Variants in CDH24 observed in about 807,000 individuals in gnomAD.
CDH24 encodes cadherin 24.
Under a neutral mutation model 71.2 loss-of-function variants are expected in CDH24, and 61 were observed. The observed-to-expected ratio is 0.86, with a 90% CI of 0.70 to 1.06. CDH24 has a LOEUF of 1.06. Ranked by LOEUF, CDH24 falls within the 50% of genes least tolerant of loss-of-function variation. The pLI, the probability that CDH24 is intolerant of heterozygous loss-of-function variation, is 0.00. For missense variants in CDH24, 961 were observed against 1,083.7 expected (o/e 0.89, Z 1.59); for synonymous variants, 440 against 470.2 (o/e 0.94, Z 0.83).
At position 23,055,514 on chromosome 14, in the gene CDH24, T is replaced by A. The variant is rs751406831; in HGVS notation, c.201+19A>T. The A allele has an allele frequency of 6.2e-7, 1 of 1,612,374 alleles. No individual in the cohort carries two copies. Among genetic ancestry groups the A allele is most frequent in the East Asian group, 2.2e-5 (1 of 44,842 alleles). On this transcript the variant is annotated intron_variant, in intron 2 of 12. Coordinates refer to ENST00000487137, the MANE Select transcript of CDH24 (RefSeq NM_144985.4). This position sits in a 1 kb window ranked among gnomAD's most constrained non-coding sequence, Gnocchi z 4.1. ...TGAGGGCTTGGTGTCAGAGTAGACA[T>A]GGGAGGGGTCATCCTTACCTTGCCA...
At position 23,055,362 on chromosome 14, in the gene CDH24, G is replaced by A. The variant is rs758198125; in HGVS notation, c.202-9C>T. 1 of 1,602,324 alleles carries A rather than the reference G, an allele frequency of 6.2e-7. No individual in the cohort carries two copies. The highest frequency in any genetic ancestry group is 1.1e-5 in the South Asian group (1 of 90,856). ...TCAACATCCGAGTGCAGCTGCAGGG[G>A]TCACGAAAAGATGGCAGAGGGCTCC... is the stretch of plus-strand genomic sequence containing the variant. On this transcript the variant is annotated splice_polypyrimidine_tract_variant and intron_variant, in intron 2 of 12. Coordinates refer to ENST00000487137, the MANE Select transcript of CDH24 (RefSeq NM_144985.4). This position sits in a 1 kb window ranked among gnomAD's most constrained non-coding sequence, Gnocchi z 4.1.
In CDH24 at chr14:23,053,637, C is replaced by T. The variant is rs563161053; in HGVS notation, c.1085G>A (p.Arg362His). Residue 362 changes from arginine (R) to histidine (H), a missense_variant, in exon 7 of 13, where the codon CGT becomes CAT. Around this residue, in one of 2 missense-constraint regions of CDH24, gnomAD observed 671 missense variants for 810.9 expected, o/e 0.83. Coordinates refer to ENST00000487137, the MANE Select transcript of CDH24 (RefSeq NM_144985.4). ...CTCTGGGGCATCTTGCACTGCCACA[C>T]GCACAGAGGCCACATCCTTGAAGGG... is the stretch of plus-strand genomic sequence containing the variant. ...RGPFKDVASV[R>H]VAVQDAPEPP... 2.9e-5 allele frequency: 46 copies of T among 1,613,904 alleles called. No homozygotes were observed. The highest frequency in any genetic ancestry group is 1.7e-4 in the Middle Eastern group (1 of 6,056).
At position 23,054,066 on chromosome 14, in the gene CDH24, G is replaced by T. The variant is rs1028392015; in HGVS notation, c.972+75C>A. On this transcript the variant is annotated intron_variant, in intron 6 of 12. Transcript: ENST00000487137. The surrounding 1 kb of genome is among the most constrained non-coding windows in gnomAD (Gnocchi z 5.2). The stretch of plus-strand genomic sequence containing the variant: ...GAGAGATCCTGAGTCTGTTCTAGAA[G>T]AACAGTTAAATATGTGCCCTGTGGG... 12 of 1,436,586 alleles carry T rather than the reference G, an allele frequency of 8.4e-6. No individual in the cohort carries two copies. In the Admixed American group the frequency reaches 8.8e-5, roughly 11 times the overall value. 89.0% of individuals were successfully genotyped at this position (1,436,586 alleles called of 1,614,324 possible). A position where few individuals can be genotyped will look rare whatever the true frequency, so the allele number is the denominator to read the frequency against.
chr14:23,048,278 T>A lies in CDH24; in HGVS notation c.2048A>T (p.Asp683Val), dbSNP rs776592627. ...PPAPGPPARR[D>V]VLPRARVSRQ... ...CGACACCCGGGCCCGGGGCAACACGTCTCGGCGCGCGGGAGGGCCGGGCGC... is the reference window on the plus strand; with the variant it reads ...CGACACCCGGGCCCGGGGCAACACGACTCGGCGCGCGGGAGGGCCGGGCGC... Residue 683 changes from aspartate to valine, a missense_variant, in exon 12 of 13, where the codon GAC becomes GTC. By Grantham distance (152) the Asp-to-Val change is radical. Around this residue, in one of 2 missense-constraint regions of CDH24, gnomAD observed 290 missense variants for 272.8 expected, o/e 1.06. Coordinates refer to ENST00000487137, the MANE Select transcript of CDH24 (RefSeq NM_144985.4). 20 of 1,566,170 alleles carry A rather than the reference T, an allele frequency of 1.3e-5. No homozygotes were observed. Among genetic ancestry groups the A allele is most frequent in the Admixed American group, 3.7e-5 (2 of 54,408 alleles).
intron 1 of CDH24, among the ~76,000 whole-genome samples, chr14:23,056,746 A>T (rs571824210): frequency 6.6e-5 from 10 of 151,886 alleles, no homozygotes; most frequent in African/African-American, 1.9e-4. Context: ...TAATTCTGGG[A>T]GAAGGAGCAG....
chr14:23,056,186 G>A (rs187617935), intron 1 of CDH24, among the ~76,000 whole-genome samples: 67 of 152,344 alleles, frequency 4.4e-4, no homozygotes, highest in Non-Finnish European at 7.1e-4. Flanking sequence ...TGGAGGAGGC[G>A]GGGCTACCAG....
At position 23,048,466 on chromosome 14, in the gene CDH24, G is replaced by A; in HGVS notation, c.1860C>T (p.Leu620=). The change falls in exon 12 of 13, where the codon CTC becomes CTT. Residue 620 remains leucine, a synonymous_variant. Transcript: ENST00000487137. ...CVGALLALVV[L]FVALRRQKQE... is the part of the protein sequence containing the mutation. ...GCTTCTGCCGCCGCAGGGCCACGAA[G>A]AGCACCACCAGGGCTGCGCGAGAGG... The A allele has an allele frequency of 6.2e-7, 1 of 1,608,172 alleles. No homozygotes were observed. Among genetic ancestry groups the A allele is most frequent in the South Asian group, 1.1e-5 (1 of 91,060 alleles).
chr14:23,054,336 T>A lies in CDH24; in HGVS notation c.785-8A>T, dbSNP rs755994396. 5 of 1,575,040 alleles carry A rather than the reference T, an allele frequency of 3.2e-6. No individual in the cohort carries two copies. Among genetic ancestry groups the A allele is most frequent in the South Asian group, 1.2e-5 (1 of 86,570 alleles). ...CGGAGAACTGGTATAGGCCTTGGGATGACAGAGGGGAGACACCTTCTCAGA... is the reference window on the plus strand; with the variant it reads ...CGGAGAACTGGTATAGGCCTTGGGAAGACAGAGGGGAGACACCTTCTCAGA... On this transcript the variant is annotated splice_polypyrimidine_tract_variant and splice_region_variant and intron_variant, in intron 5 of 12. Coordinates refer to ENST00000487137, the MANE Select transcript of CDH24 (RefSeq NM_144985.4). This position sits in a 1 kb window ranked among gnomAD's most constrained non-coding sequence, Gnocchi z 5.2.
At chr14:23,056,169 C>T (rs1050722594) in intron 1 of CDH24, among the ~76,000 whole-genome samples, 11 of 152,176 alleles carry the variant, frequency 7.2e-5, no homozygotes, top group Non-Finnish European at 1.6e-4. Context: ...GGCACGTAGC[C>T]AGGTATTGGA....
At chr14:23,052,719 C>G (rs1483850743) in intron 7 of CDH24, 110 bp from the exon 8 acceptor site, 2 of 1,107,438 alleles carry the variant, frequency 1.8e-6, no homozygotes, top group Non-Finnish European at 2.7e-6. Context: ...CATGACTCCT[C>G]TGGGTAGAGC....
chr14:23,050,678 T>A (rs1036377704), intron 8 of CDH24, among the ~76,000 whole-genome samples: 2 of 152,154 alleles, frequency 1.3e-5, no homozygotes, highest in African/African-American at 4.8e-5. Context: ...ACCCATCCCT[T>A]CATCAGGTGA....
Position 23,054,537 on chromosome 14 carries a change from A to G in CDH24, c.753T>C (p.Asp251=), listed in dbSNP as rs1304047964. Residue 251 remains aspartate (D), a synonymous_variant, in exon 5 of 13, where the codon GAT becomes GAC. Transcript: ENST00000487137. This position sits in a 1 kb window ranked among gnomAD's most constrained non-coding sequence, Gnocchi z 5.2. ...GSTTVTVTLS[D]VNDNPPKFPQ... ...GGAACTTGGGGGGGTTGTCGTTGACATCGCTGAGCGTGACAGTCACCGTAG... is the reference window on the plus strand; with the variant it reads ...GGAACTTGGGGGGGTTGTCGTTGACGTCGCTGAGCGTGACAGTCACCGTAG... The G allele has an allele frequency of 6.2e-7, 1 of 1,613,804 alleles. No homozygotes were observed. The highest frequency in any genetic ancestry group is 1.1e-5 in the South Asian group (1 of 91,066).
intron 7 of CDH24, among the ~76,000 whole-genome samples, chr14:23,052,904 G>C (rs1462193645): frequency 6.6e-6 from 1 of 152,090 alleles, no homozygotes; most frequent in Admixed American, 6.5e-5. Context: ...GCCCTGTTCT[G>C]AGAACCCAGG....
intron 10 of CDH24, 55 bp downstream of exon 10, chr14:23,049,572 G>A (rs908010960): frequency 1.9e-6 from 2 of 1,072,786 alleles, no homozygotes; most frequent in African/African-American, 3.2e-5. Context: ...AGGGGTGGAG[G>A]AGGAGGAGAA....
At chr14:23,050,929 G>T (rs1269753795) in intron 8 of CDH24, among the ~76,000 whole-genome samples, 1 of 152,106 alleles carries the variant, frequency 6.6e-6, no homozygotes, top group African/African-American at 2.4e-5. Flanking sequence ...ATGGGGAGGA[G>T]GTCTACTTCT....
At position 23,055,753 on chromosome 14, in the gene CDH24, C is replaced by A; in HGVS notation, c.-20G>T. ...CCACATGTTTGGACTCCAGCCAGGG[C>A]TCTGTTCACTGGCCCTGGGTGCTGA... On this transcript the variant is annotated 5_prime_UTR_variant, in exon 2 of 13. Coordinates refer to ENST00000487137, the MANE Select transcript of CDH24 (RefSeq NM_144985.4). This position sits in a 1 kb window ranked among gnomAD's most constrained non-coding sequence, Gnocchi z 4.1. The A allele has an allele frequency of 6.5e-7, 1 of 1,541,958 alleles. No homozygotes were observed. Among genetic ancestry groups the A allele is most frequent in the South Asian group, 1.2e-5 (1 of 82,232 alleles).
In CDH24 at chr14:23,052,494, T is replaced by C. The variant is rs2139945767; in HGVS notation, c.1342A>G (p.Thr448Ala). 1 of 1,613,820 alleles carries C rather than the reference T, an allele frequency of 6.2e-7. No individual in the cohort carries two copies. The highest frequency in any genetic ancestry group is 1.3e-5 in the African/African-American group (1 of 75,006). ...TCACCGAGCTCTGTAGCCAGCACAG[T>C]GAGGTTGTGCCAGGCGCGAGCCTCG... ...DREARAWHNLTVLATELDSSA... is the reference protein window; with the variant it reads ...DREARAWHNLAVLATELDSSA... Residue 448 changes from threonine (T) to alanine (A), a missense_variant, in exon 8 of 13, where the codon ACT (threonine) becomes GCT (alanine). Around this residue, in one of 2 missense-constraint regions of CDH24, gnomAD observed 671 missense variants for 810.9 expected, o/e 0.83. Coordinates refer to ENST00000487137, the MANE Select transcript of CDH24 (RefSeq NM_144985.4).
chr14:23,051,032 C>T lies in CDH24; in HGVS notation c.1364-1089G>A, dbSNP rs546673230. 1.3e-4 allele frequency among the ~76,000 whole-genome samples: 20 copies of T among 151,318 alleles called. No individual in the cohort carries two copies. The highest frequency in any genetic ancestry group is 3.9e-4 in the Admixed American group (6 of 15,264). On this transcript the variant is annotated intron_variant, in intron 8 of 12. Coordinates refer to ENST00000487137, the MANE Select transcript of CDH24 (RefSeq NM_144985.4). This position sits in a 1 kb window ranked among gnomAD's most constrained non-coding sequence, Gnocchi z 4.4. ...AGAATGAGAAGACAGTGACTAGAAA[C>T]GCACACACACACAAAGCTATGTATA...
In CDH24 at chr14:23,051,965, C is replaced by A; in HGVS notation, c.1363+508G>T. 1.3e-6 allele frequency: 2 copies of A among 1,531,374 alleles called. No homozygotes were observed. The highest frequency in any genetic ancestry group is 1.8e-6 in the Non-Finnish European group (2 of 1,125,764). 94.9% of individuals were successfully genotyped at this position (1,531,374 alleles called of 1,614,324 possible). Reference sequence around the variant, plus strand: ...TCCCCTTCCTTATGGTGTCCACTCCCCTACCTTGGGGGATTCCCACAGCGC... The same window carrying A: ...TCCCCTTCCTTATGGTGTCCACTCCACTACCTTGGGGGATTCCCACAGCGC... On this transcript the variant is annotated intron_variant, in intron 8 of 12. Coordinates refer to ENST00000487137, the MANE Select transcript of CDH24 (RefSeq NM_144985.4). The surrounding 1 kb of genome is among the most constrained non-coding windows in gnomAD (Gnocchi z 4.4).
Sources: allele counts gnomAD v4.1 joint callset (sites outside exome capture counted in the v4.1 genomes callset), GRCh38; gene constraint gnomAD v4.1.1; regional missense constraint gnomAD v4.1.1; non-coding constraint Gnocchi (gnomAD v3.1); transcripts MANE v1.5; gene names NCBI Gene and HGNC (gene_info 2026-07-23, HGNC 2026-07-21).